The following TMEM67 variants were observed in gnomAD, a reference collection of about 807,000 sequenced individuals.
TMEM67 encodes meckelin.
In TMEM67, 124 loss-of-function variants were observed where a neutral mutation model predicts 136.6. That is an observed-to-expected ratio of 0.91 (90% confidence interval 0.78 to 1.05). The LOEUF (loss-of-function observed/expected upper bound fraction) is 1.05, where lower values mean the gene tolerates loss of function less well. Ranked by LOEUF, TMEM67 falls within the 50% of genes least tolerant of loss-of-function variation. The pLI is 0.00. For missense variants in TMEM67, 1,107 were observed against 1,178.4 expected (o/e 0.94, Z 0.89); for synonymous variants, 364 against 390.5 (o/e 0.93, Z 0.80).
the TMEM67 span, among the ~76,000 whole-genome samples, chr8:93,826,882 T>C: frequency 6.6e-6 from 1 of 152,204 alleles, no homozygotes; most frequent in East Asian, 1.9e-4. Flanking sequence ...CAAGCTGGAG[T>C]GCAATGGTGC....
chr8:93,795,933 G>A lies in TMEM67; in HGVS notation c.1806G>A (p.Met602Ile), dbSNP rs1814594651. ...AQKSVSVLLP[M>I]PIQEERFVTY... is the part of the protein sequence containing the mutation. ...AGTCTGTGTCTGTTTTGCTGCCAAT[G>A]CCAATTCAGGAAGAACGTTTTGTCA... is the stretch of plus-strand genomic sequence containing the variant. Residue 602 changes from methionine to isoleucine, a missense_variant, in exon 18 of 28, where the codon ATG (methionine) becomes ATA (isoleucine). This residue lies in a region of TMEM67 where 925 missense variants were observed against 1,002.4 expected (regional missense o/e 0.92). Transcript: ENST00000453321. 6.2e-7 allele frequency: 1 copy of A among 1,612,936 alleles called. No homozygotes were observed. The highest frequency in any genetic ancestry group is 1.3e-5 in the African/African-American group (1 of 75,002).
intron 27 of TMEM67, among the ~76,000 whole-genome samples, chr8:93,815,982 T>C (rs1213239682): frequency 6.6e-6 from 1 of 152,220 alleles, no homozygotes; most frequent in Non-Finnish European, 1.5e-5. Flanking sequence ...GTCAAAGAAG[T>C]ATATATAAGT....
intron 6 of TMEM67, among the ~76,000 whole-genome samples, chr8:93,771,491 A>G (rs1052265746): frequency 6.6e-6 from 1 of 152,126 alleles, no homozygotes; most frequent in Non-Finnish European, 1.5e-5. Context: ...TAGTTCCATA[A>G]TATTCTGGCT....
At chr8:93,795,722 A>G (rs963623159) in intron 17 of TMEM67, among the ~76,000 whole-genome samples, 179 bp from the exon 18 acceptor site, 1 of 151,892 alleles carries the variant, frequency 6.6e-6, no homozygotes, top group African/African-American at 2.4e-5. Context: ...CTTAGTAAAA[A>G]CCTTGTTCAA....
chr8:93,829,332 C>G, the TMEM67 span, among the ~76,000 whole-genome samples: 1 of 152,102 alleles, frequency 6.6e-6, no homozygotes, highest in Admixed American at 6.5e-5. Flanking sequence ...CAAGTCTTTC[C>G]TCAAAATCAG....
intron 27 of TMEM67, 43 bp from the exon 28 acceptor site, chr8:93,816,327 TTC>T (rs781721510): frequency 4.1e-6 from 4 of 969,692 alleles, no homozygotes; most frequent in South Asian, 3.0e-5. Flanking sequence ...GCATATTTAA[TTC>T]TGTTTATATT....
At chr8:93,756,576 T>C (rs1278351707) in intron 2 of TMEM67, 5 of 152,174 alleles carry the variant, frequency 3.3e-5, no homozygotes, top group African/African-American at 1.2e-4. Context: ...TAGCTATCTG[T>C]ATTACTTGTA....
intron 13 of TMEM67, among the ~76,000 whole-genome samples, 161 bp downstream of exon 13, chr8:93,786,507 G>T (rs1338478657): frequency 2.0e-5 from 3 of 151,500 alleles, no homozygotes; most frequent in African/African-American, 7.3e-5. Context: ...AAAGTGAATA[G>T]CCAAGGGGGA....
Position 93,755,775 on chromosome 8 carries a change from TAGGAAC to T in TMEM67, c.224-2_227del. 1.2e-5 allele frequency: 16 copies of T among 1,281,700 alleles called. No individual in the cohort carries two copies. The highest frequency in any genetic ancestry group is 2.7e-5 in the South Asian group (2 of 74,860). The allele number at this position is 1,281,700 out of a possible 1,614,324, so 79.4% of individuals were successfully genotyped here. On this transcript the variant is annotated splice_acceptor_variant and coding_sequence_variant, in exon 2 of 28. Transcript: ENST00000453321. LOFTEE classifies it high-confidence loss of function. ...GCTTTTTTTTTTTTTTTTTTTTTTT[TAGGAAC>T]TTCATGTGTATGTCTACCAGGATTT...
chr8:93,815,192 A>C, intron 26 of TMEM67, 113 bp from the exon 27 acceptor site: 1 of 666,028 alleles, frequency 1.5e-6, no homozygotes. Context: ...TATTGTATAC[A>C]GTATGTTTCT....
In TMEM67 at chr8:93,812,005, C is replaced by T. The variant is rs551758459; in HGVS notation, c.2764+2118C>T. 8.6e-5 allele frequency among the ~76,000 whole-genome samples: 13 copies of T among 151,818 alleles called. 2 individuals carry two copies. The South Asian group carries it at 2.3e-3, about 27-fold the overall frequency. ...TCTCTATTAAAAATACAAAATTAGC[C>T]GGGCATGGTGGTGCATGCCTGTAAT... is the stretch of plus-strand genomic sequence containing the variant. On this transcript the variant is annotated intron_variant, in intron 26 of 27. Transcript: ENST00000453321.
chr8:93,787,434 C>T (rs970544148), intron 13 of TMEM67, among the ~76,000 whole-genome samples: 2 of 152,126 alleles, frequency 1.3e-5, no homozygotes, highest in Non-Finnish European at 2.9e-5. Context: ...GTTAAGAATT[C>T]ATCTTTCTCT....
intron 10 of TMEM67, among the ~76,000 whole-genome samples, chr8:93,782,011 C>T (rs769737546): frequency 1.3e-5 from 2 of 152,058 alleles, no homozygotes; most frequent in African/African-American, 4.8e-5. Context: ...CTCCGCCTTG[C>T]GGGTTCACGC....
chr8:93,799,323 G>A (rs1448634853), intron 20 of TMEM67, among the ~76,000 whole-genome samples: 3 of 152,092 alleles, frequency 2.0e-5, no homozygotes, highest in African/African-American at 7.2e-5. Context: ...ACTGATGAAA[G>A]TTTTATCCTT....
intron 14 of TMEM67, among the ~76,000 whole-genome samples, chr8:93,790,493 C>T (rs1432967899): frequency 6.6e-6 from 1 of 152,152 alleles, no homozygotes; most frequent in Non-Finnish European, 1.5e-5. Context: ...TCTGAGATTG[C>T]CTTATCTTAA....
the TMEM67 span, among the ~76,000 whole-genome samples, chr8:93,831,908 G>T: frequency 6.6e-6 from 1 of 152,202 alleles, no homozygotes; most frequent in Non-Finnish European, 1.5e-5. Flanking sequence ...ACAACTGCAA[G>T]TTTTAACCTT....
chr8:93,776,313 T>C (rs1291585292), intron 7 of TMEM67, among the ~76,000 whole-genome samples: 1 of 152,200 alleles, frequency 6.6e-6, no homozygotes, highest in Non-Finnish European at 1.5e-5. Flanking sequence ...ACAATTTCAC[T>C]TCTTCTTTTC....
intron 11 of TMEM67, among the ~76,000 whole-genome samples, chr8:93,784,754 G>A (rs1814016529): frequency 6.6e-6 from 1 of 152,204 alleles, no homozygotes; most frequent in African/African-American, 2.4e-5. Flanking sequence ...AAGTAGATTA[G>A]TATGAATGGA....
chr8:93,827,382 A>G, the TMEM67 span, among the ~76,000 whole-genome samples: 3 of 151,730 alleles, frequency 2.0e-5, no homozygotes, highest in African/African-American at 7.3e-5. Flanking sequence ...ATTTTATTTT[A>G]TTTTATTTTC....
Sources: allele counts gnomAD v4.1 joint callset (sites outside exome capture counted in the v4.1 genomes callset), GRCh38; gene constraint gnomAD v4.1.1; regional missense constraint gnomAD v4.1.1; transcripts MANE v1.5; gene names NCBI Gene and HGNC (gene_info 2026-07-23, HGNC 2026-07-21).